The following XRN1 variants were observed in gnomAD, a reference collection of about 807,000 sequenced individuals.
XRN1 encodes 5'-3' exoribonuclease 1.
XRN1 carries 67 observed loss-of-function variants against 222.3 expected under a neutral mutation model. The observed-to-expected ratio is 0.30, with a 90% CI of 0.25 to 0.37. XRN1 has a LOEUF of 0.37. XRN1 is among the 10% of genes least tolerant of loss of function. The pLI, the probability that XRN1 is intolerant of heterozygous loss-of-function variation, is 1.00. For synonymous variants in XRN1, 643 were observed against 652.4 expected (o/e 0.99, Z 0.22); for missense variants, 1,707 against 2,000.2 (o/e 0.85, Z 2.80).
intron 2 of XRN1, among the ~76,000 whole-genome samples, chr3:142,430,034 A>G (rs1483003440): frequency 6.6e-6 from 1 of 152,204 alleles, no homozygotes; most frequent in Non-Finnish European, 1.5e-5. Context: ...ATGTATTCTT[A>G]GAGCCCCAAG....
At chr3:142,322,372 C>G (rs1013443234) in intron 37 of XRN1, among the ~76,000 whole-genome samples, 1 of 152,272 alleles carries the variant, frequency 6.6e-6, no homozygotes, top group African/African-American at 2.4e-5. Flanking sequence ...TACTACCACG[C>G]TTAGCTGTTT....
At chr3:142,425,069 T>A (rs571998906) in intron 5 of XRN1, among the ~76,000 whole-genome samples, 153 bp downstream of exon 5, 26 of 152,340 alleles carry the variant, frequency 1.7e-4, no homozygotes, top group African/African-American at 5.1e-4. Flanking sequence ...CATTTTCCAA[T>A]GATTTTTAGA....
chr3:142,312,427 C>G (rs1435076852), intron 40 of XRN1, among the ~76,000 whole-genome samples, 171 bp downstream of exon 40: 1 of 152,074 alleles, frequency 6.6e-6, no homozygotes, highest in Non-Finnish European at 1.5e-5. Context: ...TATTAGAACA[C>G]AAACTCAGAG....
At chr3:142,380,608 T>A (rs1232831131) in intron 22 of XRN1, among the ~76,000 whole-genome samples, 1 of 151,978 alleles carries the variant, frequency 6.6e-6, no homozygotes, top group Non-Finnish European at 1.5e-5. Flanking sequence ...CCTGCCTTGG[T>A]CTCCCCAAAG....
intron 1 of XRN1, among the ~76,000 whole-genome samples, chr3:142,440,097 G>T (rs1331271783): frequency 1.3e-5 from 2 of 152,124 alleles, no homozygotes; most frequent in South Asian, 2.1e-4. Context: ...AGAGCCCTGG[G>T]TATGCTTTAC....
intron 19 of XRN1, among the ~76,000 whole-genome samples, chr3:142,398,884 T>TA (rs1430453906): frequency 5.3e-5 from 8 of 152,022 alleles, no homozygotes; most frequent in South Asian, 2.1e-4. Context: ...AAAATCAACA[T>TA]AAAAAATCAA....
rs2070593282 is a variant in XRN1, at chr3:142,447,790, AAAGCCCCAGCTCT to A, written c.75+67_75+79del. On this transcript the variant is annotated intron_variant, in intron 1 of 40. Transcript: ENST00000392981. This position sits in a 1 kb window ranked among gnomAD's most constrained non-coding sequence, Gnocchi z 4.2. ...ACGACGAGGGGAAAGAGGTGGCTCG[AAAGCCCCAGCTCT>A]AAGGTGGAGAGGGCCGCGGAGCCCC... 6.6e-7 allele frequency: 1 copy of A among 1,517,112 alleles called. No individual in the cohort carries two copies. The highest frequency in any genetic ancestry group is 1.4e-5 in the African/African-American group (1 of 71,782). 94.0% of individuals were successfully genotyped at this position (1,517,112 alleles called of 1,614,324 possible). A position where few individuals can be genotyped will look rare whatever the true frequency, so the allele number is the denominator to read the frequency against.
chr3:142,393,690 C>T (rs952022732), intron 20 of XRN1, among the ~76,000 whole-genome samples: 3 of 152,204 alleles, frequency 2.0e-5, no homozygotes, highest in African/African-American at 7.2e-5. Flanking sequence ...TGACATTATC[C>T]ATAACTACCG....
At chr3:142,441,019 CT>C (rs201764575) in intron 1 of XRN1, among the ~76,000 whole-genome samples, 2,559 of 152,312 alleles carry the variant, frequency 0.017, 75 homozygotes, top group African/African-American at 0.059. Context: ...ATTCAGAAAC[CT>C]TGTGCCACCA....
intron 15 of XRN1, among the ~76,000 whole-genome samples, chr3:142,408,341 G>GT (rs1184067274): frequency 1.3e-5 from 2 of 152,200 alleles, no homozygotes; most frequent in African/African-American, 4.8e-5. Context: ...ATTACCCTTT[G>GT]TGGGGGTGCT....
At chr3:142,379,238 T>C (rs2067230785) in intron 23 of XRN1, among the ~76,000 whole-genome samples, 1 of 152,144 alleles carries the variant, frequency 6.6e-6, no homozygotes, top group Non-Finnish European at 1.5e-5. Context: ...GCCACTGCAC[T>C]CCAGCCTGGA....
intron 32 of XRN1, among the ~76,000 whole-genome samples, chr3:142,350,567 T>A (rs888378105): frequency 5.9e-5 from 9 of 152,246 alleles, no homozygotes; most frequent in African/African-American, 2.2e-4. Flanking sequence ...ATAGCATCAC[T>A]CTGCCTGCTG....
chr3:142,371,368 G>T, intron 25 of XRN1, 40 bp from the exon 26 acceptor site: 1 of 1,431,202 alleles, frequency 7.0e-7, no homozygotes, highest in Non-Finnish European at 9.6e-7. Context: ...AAATATATAT[G>T]GTTAATTTCG....
chr3:142,436,082 A>AAAATT (rs1553745772), intron 1 of XRN1: 8 of 118,414 alleles, frequency 6.8e-5, no homozygotes, highest in African/African-American at 2.9e-4. Flanking sequence ...AAAAAAAAAA[A>AAAATT]TTTAAAGCAA....
intron 36 of XRN1, 125 bp from the exon 37 acceptor site, chr3:142,329,740 G>C: frequency 1.2e-6 from 1 of 826,384 alleles, no homozygotes; most frequent in South Asian, 2.4e-5. Context: ...ATTGCTCAAG[G>C]CCACCCATTA....
In XRN1 at chr3:142,370,545, A is replaced by G; in HGVS notation, c.3144T>C (p.Asp1048=). The G allele has an allele frequency of 1.9e-6, 3 of 1,608,162 alleles. No homozygotes were observed. In the South Asian group the frequency reaches 3.3e-5, roughly 18 times the overall value. Residue 1048 remains aspartate (D), a synonymous_variant, in exon 27 of 41, where the codon GAT becomes GAC. Transcript: ENST00000392981. ...CAATAGCTGCATCCAGAATTTGTAA[A>G]TCACAAGAAGAACGAGATAAAGTAC... ...PVSTLSRSSC[D]LQILDAAIVE... is the part of the protein sequence containing the mutation.
At chr3:142,395,613 C>T (rs2107996955) in intron 20 of XRN1, among the ~76,000 whole-genome samples, 1 of 152,344 alleles carries the variant, frequency 6.6e-6, no homozygotes, top group South Asian at 2.1e-4. Flanking sequence ...ACTTCTGCAA[C>T]TCTCAATCAT....
At chr3:142,330,162 T>C (rs2065654754) in intron 36 of XRN1, among the ~76,000 whole-genome samples, 1 of 152,226 alleles carries the variant, frequency 6.6e-6, no homozygotes. Flanking sequence ...TTTCTTGTTT[T>C]GCAGAAGTAA....
intron 20 of XRN1, among the ~76,000 whole-genome samples, chr3:142,393,824 C>A (rs989859587): frequency 6.6e-6 from 1 of 151,964 alleles, no homozygotes; most frequent in African/African-American, 2.4e-5. Context: ...TTTCTATCTT[C>A]TCCCAGACCT....
Sources: allele counts gnomAD v4.1 joint callset (sites outside exome capture counted in the v4.1 genomes callset), GRCh38; gene constraint gnomAD v4.1.1; non-coding constraint Gnocchi (gnomAD v3.1); transcripts MANE v1.5; gene names NCBI Gene and HGNC (gene_info 2026-07-23, HGNC 2026-07-21).